The following TNFSF4 variants were observed in gnomAD, a reference collection of about 807,000 sequenced individuals.
The protein encoded by TNFSF4 is tumor necrosis factor ligand superfamily member 4.
In TNFSF4, 4 loss-of-function variants were observed where a neutral mutation model predicts 7.3. The observed-to-expected ratio is 0.55, with a 90% CI of 0.27 to 1.25. The LOEUF (loss-of-function observed/expected upper bound fraction) is 1.25. Ranked by LOEUF, TNFSF4 falls within the 50% of genes most tolerant of loss-of-function variation. The pLI is 0.12. For missense variants in TNFSF4, 181 were observed against 208.8 expected (o/e 0.87, Z 0.82); for synonymous variants, 76 against 83.7 (o/e 0.91, Z 0.50).
chr1:173,401,091 T>C, the TNFSF4 span, among the ~76,000 whole-genome samples: 1 of 152,328 alleles, frequency 6.6e-6, no homozygotes, highest in East Asian at 1.9e-4. Context: ...ATAAAATGTA[T>C]TGTTTAATCG....
the TNFSF4 span, among the ~76,000 whole-genome samples, chr1:173,404,401 C>T: frequency 6.6e-6 from 1 of 152,170 alleles, no homozygotes; most frequent in Non-Finnish European, 1.5e-5. Flanking sequence ...GGAAGTAGCA[C>T]CTACAGCCAG....
chr1:173,272,359 TTC>T, the TNFSF4 span, among the ~76,000 whole-genome samples: 991 of 152,066 alleles, frequency 6.5e-3, 6 homozygotes, highest in African/African-American at 0.023. Flanking sequence ...AAAAAACAGA[TTC>T]TGAGAATTTA....
the TNFSF4 span, among the ~76,000 whole-genome samples, chr1:173,239,589 G>C: frequency 6.6e-6 from 1 of 152,210 alleles, no homozygotes; most frequent in Non-Finnish European, 1.5e-5. Context: ...TCTAACAGAA[G>C]AGATGTCTGT....
chr1:173,194,745 A>G (rs1014525539), intron 1 of TNFSF4, among the ~76,000 whole-genome samples: 6 of 151,978 alleles, frequency 3.9e-5, no homozygotes, highest in African/African-American at 1.4e-4. Context: ...TAATAAAAAA[A>G]ATAGCTGGAC....
the TNFSF4 span, among the ~76,000 whole-genome samples, chr1:173,299,954 C>T: frequency 7.4e-4 from 113 of 151,902 alleles, no homozygotes; most frequent in African/African-American, 2.6e-3. Flanking sequence ...CAACTGCTCA[C>T]ATGGCCAAAA....
chr1:173,413,596 C>T, the TNFSF4 span, among the ~76,000 whole-genome samples: 27 of 152,268 alleles, frequency 1.8e-4, no homozygotes, highest in East Asian at 1.5e-3. Flanking sequence ...AGCAGTGTCA[C>T]AGCAGGCCAG....
the TNFSF4 span, among the ~76,000 whole-genome samples, chr1:173,387,274 T>C: frequency 6.6e-6 from 1 of 152,136 alleles, no homozygotes; most frequent in African/African-American, 2.4e-5. Flanking sequence ...AGGTGGAACA[T>C]TTAGGAGGTG....
At chr1:173,334,681 T>G in the TNFSF4 span, among the ~76,000 whole-genome samples, 2 of 152,168 alleles carry the variant, frequency 1.3e-5, no homozygotes, top group Non-Finnish European at 2.9e-5. Context: ...CTGGGGACAC[T>G]AGGCCCCTAA....
At chr1:173,357,736 G>T in the TNFSF4 span, among the ~76,000 whole-genome samples, 5 of 152,230 alleles carry the variant, frequency 3.3e-5, no homozygotes, top group Non-Finnish European at 1.5e-5. Flanking sequence ...GTTTCTCCAT[G>T]TTGGGTCAGG....
the TNFSF4 span, among the ~76,000 whole-genome samples, chr1:173,360,649 G>A: frequency 6.6e-6 from 1 of 152,182 alleles, no homozygotes; most frequent in Non-Finnish European, 1.5e-5. Flanking sequence ...GCAAGTGACA[G>A]AAACAGGAAG....
chr1:173,380,432 C>T, the TNFSF4 span, among the ~76,000 whole-genome samples: 1 of 152,112 alleles, frequency 6.6e-6, no homozygotes, highest in East Asian at 1.9e-4. Context: ...AGTGTAATTA[C>T]ACCCTACAAC....
the TNFSF4 span, among the ~76,000 whole-genome samples, chr1:173,422,326 GAAA>G: frequency 1.1e-5 from 1 of 89,046 alleles, no homozygotes; most frequent in Non-Finnish European, 2.0e-5. Flanking sequence ...TGCCCAGAGT[GAAA>G]AAAAAAAAAA....
the TNFSF4 span, among the ~76,000 whole-genome samples, chr1:173,222,982 G>C: frequency 6.6e-6 from 1 of 152,288 alleles, no homozygotes; most frequent in African/African-American, 2.4e-5. Context: ...TCTGGGTGGA[G>C]TCTCTGGTTC....
chr1:173,244,098 T>C, the TNFSF4 span, among the ~76,000 whole-genome samples: 1 of 152,098 alleles, frequency 6.6e-6, no homozygotes, highest in South Asian at 2.1e-4. Context: ...ATTCAAAGAG[T>C]GAAGTTTACA....
the TNFSF4 span, among the ~76,000 whole-genome samples, chr1:173,351,179 A>G: frequency 6.6e-6 from 1 of 152,114 alleles, no homozygotes; most frequent in Non-Finnish European, 1.5e-5. Context: ...TGCCAGTTAC[A>G]CTGAATTTTC....
chr1:173,448,448 T>A, the TNFSF4 span, among the ~76,000 whole-genome samples: 1 of 152,108 alleles, frequency 6.6e-6, no homozygotes, highest in South Asian at 2.1e-4. Context: ...GACCACCAAA[T>A]AGGCTTTGTG....
the TNFSF4 span, among the ~76,000 whole-genome samples, chr1:173,369,290 C>T: frequency 6.6e-6 from 1 of 152,108 alleles, no homozygotes; most frequent in Non-Finnish European, 1.5e-5. Flanking sequence ...GAAGAAAAGG[C>T]TTAGGACTCT....
chr1:173,234,643 T>C, the TNFSF4 span, among the ~76,000 whole-genome samples: 2 of 152,146 alleles, frequency 1.3e-5, no homozygotes, highest in African/African-American at 4.8e-5. Context: ...GTGTCCTTTG[T>C]AGGACATGGA....
chr1:173,326,942 C>T, the TNFSF4 span, among the ~76,000 whole-genome samples: 2 of 152,126 alleles, frequency 1.3e-5, no homozygotes, highest in Non-Finnish European at 2.9e-5. Context: ...GCCATACTGC[C>T]CAAGGTAATT....
Sources: allele counts gnomAD v4.1 joint callset (sites outside exome capture counted in the v4.1 genomes callset), GRCh38; gene constraint gnomAD v4.1.1; transcripts MANE v1.5; gene names NCBI Gene and HGNC (gene_info 2026-07-23, HGNC 2026-07-21).